The following ITPRID2 variants were observed in gnomAD, a reference collection of about 807,000 sequenced individuals.
ITPRID2 encodes the protein ITPR interacting domain containing 2.
Under a neutral mutation model 124.3 loss-of-function variants are expected in ITPRID2, and 60 were observed. The ratio of observed to expected loss-of-function variants is 0.48; its 90% CI spans 0.39 to 0.60. The LOEUF is 0.60. Among genes scored for constraint, ITPRID2 ranks in the 20% least tolerant of loss-of-function variants. The probability of loss-of-function intolerance (pLI) is 0.00; values close to 1 mark genes in which losing one functional copy is unlikely to be tolerated. For synonymous variants in ITPRID2, 521 were observed against 542.9 expected (o/e 0.96, Z 0.56); for missense variants, 1,553 against 1,512.2 (o/e 1.03, Z -0.45).
rs755212164 is a variant in ITPRID2 at position 181,916,140 on chromosome 2, C to CT, written c.2502dup (p.Ala835CysfsTer18). The stretch of plus-strand genomic sequence containing the variant: ...TGGAAGGACTCCTACCTGTTCACGG[C>CT]TTGCTCCACCACCAATGTCTCAGTC... On this transcript the variant is annotated frameshift_variant, in exon 11 of 18. Coordinates refer to ENST00000431877, the MANE Select transcript of ITPRID2 (RefSeq NM_001130445.3). LOFTEE classifies it high-confidence loss of function. 3.1e-6 allele frequency: 5 copies of CT among 1,614,130 alleles called. No individual in the cohort carries two copies. In the African/African-American group the frequency reaches 6.7e-5, roughly 22 times the overall value.
chr2:181,896,083 A>C lies in ITPRID2; in HGVS notation c.307+4A>C. On this transcript the variant is annotated splice_donor_region_variant and intron_variant, in intron 3 of 17. Coordinates refer to ENST00000431877, the MANE Select transcript of ITPRID2 (RefSeq NM_001130445.3). The surrounding 1 kb of genome is among the most constrained non-coding windows in gnomAD (Gnocchi z 4.3). ...CAAAGCAGTAGTACACTCAAGGGTA[A>C]GAGAAGGTTGCCTTTCTAAATCTGT... is the stretch of plus-strand genomic sequence containing the variant. 6.2e-7 allele frequency: 1 copy of C among 1,612,442 alleles called. No individual in the cohort carries two copies. The highest frequency in any genetic ancestry group is 8.5e-7 in the Non-Finnish European group (1 of 1,178,640).
Position 181,918,644 on chromosome 2 carries a change from C to G in ITPRID2, c.2834C>G (p.Thr945Ser). ...GATCCTGCTGCTGCTCCATATAGTACTCAGAAATCATCTGTTCTACCTCTT... is the reference window on the plus strand; with the variant it reads ...GATCCTGCTGCTGCTCCATATAGTAGTCAGAAATCATCTGTTCTACCTCTT... The part of the protein sequence containing the change: ...GPDPAAAPYS[T>S]QKSSVLPLYE... Residue 945 changes from threonine to serine, a missense_variant, in exon 12 of 18, where the codon ACT becomes AGT. Transcript: ENST00000431877. 2 of 1,614,100 alleles carry G rather than the reference C, an allele frequency of 1.2e-6. No individual in the cohort carries two copies. The highest frequency in any genetic ancestry group is 1.7e-6 in the Non-Finnish European group (2 of 1,179,978).
intron 16 of ITPRID2, among the ~76,000 whole-genome samples, chr2:181,922,932 G>A (rs938577762): frequency 6.6e-6 from 1 of 151,764 alleles, no homozygotes; most frequent in Non-Finnish European, 1.5e-5. Context: ...AAAAAAAAAA[G>A]AAACTGCATT....
At chr2:181,897,082 C>G in intron 4 of ITPRID2, 118 bp downstream of exon 4, 1 of 830,472 alleles carries the variant, frequency 1.2e-6, no homozygotes, top group South Asian at 1.5e-5. Context: ...TTGAAAATGG[C>G]TCAGGCATAT....
rs1691814783 is a variant in ITPRID2, at chr2:181,892,472, G to A, written c.212-143G>A. 3 of 1,225,922 alleles carry A rather than the reference G, an allele frequency of 2.4e-6. No homozygotes were observed. Among genetic ancestry groups the A allele is most frequent in the East Asian group, 2.5e-5 (1 of 40,460 alleles). The allele number at this position is 1,225,922 out of a possible 1,614,324, so 75.9% of individuals were successfully genotyped here. On this transcript the variant is annotated intron_variant, in intron 1 of 17. Coordinates refer to ENST00000431877, the MANE Select transcript of ITPRID2 (RefSeq NM_001130445.3). The surrounding 1 kb of genome is among the most constrained non-coding windows in gnomAD (Gnocchi z 5.2). ...CAACACAGACAACTGGGTGCCATCCGATTTCCCTGCCAAGGGACACTGAGA... is the reference window on the plus strand; with the variant it reads ...CAACACAGACAACTGGGTGCCATCCAATTTCCCTGCCAAGGGACACTGAGA...
At chr2:181,912,912 G>A (rs1693719605) in intron 9 of ITPRID2, among the ~76,000 whole-genome samples, 1 of 152,158 alleles carries the variant, frequency 6.6e-6, no homozygotes, top group African/African-American at 2.4e-5. Flanking sequence ...TTATGTTGTA[G>A]TTGAACCTAT....
chr2:181,892,928 G>T lies in ITPRID2; in HGVS notation c.257+268G>T. ...CATCAGAGATCAGAAATCCAGAACA[G>T]ATAATCATGCCATATTTGTTCTGTT... On this transcript the variant is annotated intron_variant, in intron 2 of 17. Coordinates refer to ENST00000431877, the MANE Select transcript of ITPRID2 (RefSeq NM_001130445.3). The surrounding 1 kb of genome is among the most constrained non-coding windows in gnomAD (Gnocchi z 5.2). 1.8e-6 allele frequency: 1 copy of T among 552,320 alleles called. No individual in the cohort carries two copies. The allele number at this position is 552,320 out of a possible 1,614,324, so 34.2% of individuals were successfully genotyped here. A position where few individuals can be genotyped will look rare whatever the true frequency, so the allele number is the denominator to read the frequency against.
At chr2:181,909,997 C>T in intron 9 of ITPRID2, 26 bp downstream of exon 9, 1 of 1,547,512 alleles carries the variant, frequency 6.5e-7, no homozygotes, top group Non-Finnish European at 8.9e-7. Context: ...TCCACTAGTT[C>T]TGAGCACATT....
chr2:181,926,257 CTG>C (rs2125115757), intron 16 of ITPRID2, among the ~76,000 whole-genome samples: 1 of 152,228 alleles, frequency 6.6e-6, no homozygotes, highest in Non-Finnish European at 1.5e-5. Flanking sequence ...CAGCAAGACT[CTG>C]TCACAAAAAT....
In ITPRID2 at chr2:181,929,736, C is replaced by T. The variant is rs1033076377; in HGVS notation, c.*189C>T. On this transcript the variant is annotated 3_prime_UTR_variant, in exon 18 of 18. Coordinates refer to ENST00000431877, the MANE Select transcript of ITPRID2 (RefSeq NM_001130445.3). ...AAAGACGTACATAGAAACTTAGGCA[C>T]TTTGCTATTTCTTTTCTAAACTATC... 2 of 924,650 alleles carry T rather than the reference C, an allele frequency of 2.2e-6. No individual in the cohort carries two copies. The highest frequency in any genetic ancestry group is 3.1e-6 in the Non-Finnish European group (2 of 636,156). The allele number at this position is 924,650 out of a possible 1,614,324, so 57.3% of individuals were successfully genotyped here. A position where few individuals can be genotyped will look rare whatever the true frequency, so the allele number is the denominator to read the frequency against.
intron 4 of ITPRID2, among the ~76,000 whole-genome samples, chr2:181,898,069 A>G (rs1452032385): frequency 2.0e-5 from 3 of 152,052 alleles, no homozygotes; most frequent in African/African-American, 7.2e-5. Flanking sequence ...CTCATGAAAG[A>G]GTAAATCTAT....
At chr2:181,920,549 T>TATATATACATACATGC in intron 14 of ITPRID2, 48 bp from the exon 15 acceptor site, 4 of 1,294,904 alleles carry the variant, frequency 3.1e-6, no homozygotes, top group Non-Finnish European at 4.4e-6. Flanking sequence ...TGCATGTATG[T>TATATATACATACATGC]ATATATACAC....
chr2:181,900,925 G>A (rs750111727), intron 7 of ITPRID2, 21 bp downstream of exon 7: 37 of 1,558,252 alleles, frequency 2.4e-5, no homozygotes, highest in Non-Finnish European at 3.0e-5. Flanking sequence ...TAAGTGTTAG[G>A]CATATTATTT....
Position 181,902,791 on chromosome 2 carries a change from A to C in ITPRID2, c.1413+325A>C, listed in dbSNP as rs1000601405. Among the ~76,000 whole-genome samples, 1 of 152,202 alleles carries C rather than the reference A, an allele frequency of 6.6e-6. No individual in the cohort carries two copies. Among genetic ancestry groups the C allele is most frequent in the African/African-American group, 2.4e-5 (1 of 41,444 alleles). On this transcript the variant is annotated intron_variant, in intron 8 of 17. Coordinates refer to ENST00000431877, the MANE Select transcript of ITPRID2 (RefSeq NM_001130445.3). The surrounding 1 kb of genome is among the most constrained non-coding windows in gnomAD (Gnocchi z 4.4). ...ATTTAAATTCAAAGCAATATTGCAT[A>C]ATAGTTAGAAACACAGGCTTTGAAA...
intron 16 of ITPRID2, among the ~76,000 whole-genome samples, chr2:181,926,581 C>T (rs1017879547): frequency 4.0e-5 from 6 of 151,550 alleles, no homozygotes; most frequent in Admixed American, 1.3e-4. Context: ...GGCGTGGTGG[C>T]GGGTGCCTGT....
intron 16 of ITPRID2, among the ~76,000 whole-genome samples, chr2:181,926,082 T>C (rs932986424): frequency 7.9e-5 from 12 of 151,760 alleles, no homozygotes; most frequent in Admixed American, 7.9e-4. Context: ...GAGACCAGCC[T>C]GGCCAACATG....
intron 16 of ITPRID2, among the ~76,000 whole-genome samples, chr2:181,925,810 C>A (rs539802635): frequency 6.6e-6 from 1 of 151,714 alleles, no homozygotes; most frequent in African/African-American, 2.4e-5. Context: ...GACCGTCTTG[C>A]TACAGAGTTT....
At position 181,905,659 on chromosome 2, in the gene ITPRID2, A is replaced by G. The variant is rs980068943; in HGVS notation, c.1413+3193A>G. Among the ~76,000 whole-genome samples, 2 of 152,206 alleles carry G rather than the reference A, an allele frequency of 1.3e-5. No homozygotes were observed. The highest frequency in any genetic ancestry group is 4.8e-5 in the African/African-American group (2 of 41,456). ...AATGAATTTTTATTTAAATATAACC[A>G]TTATTGGATATACACATAATCTTTT... On this transcript the variant is annotated intron_variant, in intron 8 of 17. Transcript: ENST00000431877. This position sits in a 1 kb window ranked among gnomAD's most constrained non-coding sequence, Gnocchi z 4.1.
At chr2:181,911,641 G>C (rs1693614790) in intron 9 of ITPRID2, among the ~76,000 whole-genome samples, 1 of 152,138 alleles carries the variant, frequency 6.6e-6, no homozygotes, top group African/African-American at 2.4e-5. Flanking sequence ...CTTTAGGACA[G>C]AGATCTAATC....
Sources: gnomAD v4.1 joint callset for allele counts (sites outside exome capture counted in the v4.1 genomes callset) on GRCh38, gnomAD v4.1.1 for gene constraint, Gnocchi (gnomAD v3.1) non-coding constraint, MANE v1.5 for transcripts, NCBI Gene and HGNC (gene_info 2026-07-23, HGNC 2026-07-21) for gene names.